Variants in BNC2 observed in about 807,000 individuals in gnomAD.
BNC2 encodes the protein zinc finger protein basonuclin-2.
BNC2 carries 20 observed loss-of-function variants against 76.3 expected under a neutral mutation model. The ratio of observed to expected loss-of-function variants is 0.26; its 90% CI spans 0.18 to 0.38. BNC2 has a LOEUF of 0.38. Ranked by LOEUF, BNC2 falls within the 10% of genes least tolerant of loss-of-function variation. BNC2 has a pLI of 1.00. For synonymous variants in BNC2, 582 were observed against 514.8 expected (o/e 1.13, Z -1.77); for missense variants, 1,382 against 1,399.8 (o/e 0.99, Z 0.20).
chr9:16,452,869 T>C (rs1821372039), intron 5 of BNC2, among the ~76,000 whole-genome samples: 1 of 152,192 alleles, frequency 6.6e-6, no homozygotes, highest in Non-Finnish European at 1.5e-5. Flanking sequence ...CAATCTATTT[T>C]ATAAGGAAAA....
intron 3 of BNC2, among the ~76,000 whole-genome samples, chr9:16,694,742 A>T (rs547996365): frequency 1.3e-5 from 2 of 152,356 alleles, no homozygotes; most frequent in South Asian, 4.1e-4. Flanking sequence ...CCATACAGGA[A>T]AAATTTTCCC....
At chr9:16,541,233 G>C (rs1487133861) in intron 5 of BNC2, among the ~76,000 whole-genome samples, 1 of 152,154 alleles carries the variant, frequency 6.6e-6, no homozygotes, top group African/African-American at 2.4e-5. Flanking sequence ...AATGGACAGA[G>C]GCACTCATAT....
chr9:16,737,417 A>T (rs1469191995), intron 2 of BNC2, among the ~76,000 whole-genome samples: 3 of 150,988 alleles, frequency 2.0e-5, no homozygotes, highest in Non-Finnish European at 4.4e-5. Context: ...CGCCCGGCTA[A>T]TTTTTTGTAT....
chr9:16,725,725 CA>C (rs901970090), intron 3 of BNC2, among the ~76,000 whole-genome samples: 16 of 86,482 alleles, frequency 1.9e-4, no homozygotes, highest in African/African-American at 1.6e-3. Context: ...TCCACACAGT[CA>C]GACAGCTGGA....
intron 3 of BNC2, among the ~76,000 whole-genome samples, chr9:16,689,837 T>A (rs1464672812): frequency 6.6e-6 from 1 of 152,054 alleles, no homozygotes; most frequent in Non-Finnish European, 1.5e-5. Flanking sequence ...CACAAAGAGT[T>A]CAGGAAGACC....
intron 5 of BNC2, among the ~76,000 whole-genome samples, chr9:16,506,513 C>CTTTTTTTTTTTTTTTTTTTTTTTTT (rs568955982): frequency 2.3e-5 from 1 of 43,314 alleles, no homozygotes. Flanking sequence ...TCTCTCTCCT[C>CTTTTTTTTTTTTTTTTTTTTTTTTT]TTTTTTTTTT....
rs1463526651 is a variant in BNC2, at chr9:16,412,897, G to T, written c.*6092C>A. On this transcript the variant is annotated 3_prime_UTR_variant, in exon 7 of 7. Transcript: ENST00000380672. ...CTTTTATATTTGATGGCCAAGTGCT[G>T]AACTGGAAAGCACACTATTAGTTTG... is the stretch of plus-strand genomic sequence containing the variant. 2 of 152,634 alleles carry T rather than the reference G, an allele frequency of 1.3e-5. No individual in the cohort carries two copies. Among genetic ancestry groups the T allele is most frequent in the Non-Finnish European group, 2.9e-5 (2 of 68,046 alleles). 9.5% of individuals were successfully genotyped at this position (152,634 alleles called of 1,614,324 possible).
intron 3 of BNC2, among the ~76,000 whole-genome samples, chr9:16,587,385 C>T (rs1416255004): frequency 1.3e-5 from 2 of 151,942 alleles, no homozygotes; most frequent in African/African-American, 4.8e-5. Flanking sequence ...AGCTAAGAAT[C>T]CTGAGCTACG....
At chr9:16,441,451 T>C (rs1170960345) in intron 5 of BNC2, among the ~76,000 whole-genome samples, 1 of 152,246 alleles carries the variant, frequency 6.6e-6, no homozygotes, top group Non-Finnish European at 1.5e-5. Context: ...TTTTACTGTA[T>C]CTTTGACTAA....
intron 1 of BNC2, among the ~76,000 whole-genome samples, chr9:16,870,115 G>A (rs1256375365): frequency 2.0e-5 from 3 of 152,166 alleles, no homozygotes; most frequent in Non-Finnish European, 4.4e-5. Flanking sequence ...CAAGGGGAGA[G>A]GAAGAGTCAA....
At chr9:16,839,769 G>C (rs1304073514) in intron 1 of BNC2, among the ~76,000 whole-genome samples, 1 of 152,192 alleles carries the variant, frequency 6.6e-6, no homozygotes, top group Admixed American at 6.5e-5. Context: ...TTACAGCCAA[G>C]AAAAACGTAA....
intron 4 of BNC2, among the ~76,000 whole-genome samples, chr9:16,564,921 G>A (rs577065849): frequency 2.6e-5 from 4 of 151,938 alleles, no homozygotes; most frequent in South Asian, 2.1e-4. Flanking sequence ...TATCTAGCAC[G>A]AACATTCAAA....
intron 6 of BNC2, among the ~76,000 whole-genome samples, chr9:16,422,310 T>C (rs1186009043): frequency 2.6e-5 from 4 of 152,222 alleles, no homozygotes; most frequent in African/African-American, 9.6e-5. Flanking sequence ...AGCAGTACTG[T>C]TGGCCTCTGC....
rs2130859579 is a variant in BNC2, at chr9:16,436,841, A to G, written c.1353T>C (p.Tyr451=). The change falls in exon 6 of 7, where the codon TAT becomes TAC. Residue 451 remains tyrosine (Y), a synonymous_variant. Coordinates refer to ENST00000380672, the MANE Select transcript of BNC2 (RefSeq NM_017637.6). ...AATGAATTTTGAGAGTACCTTTGTCATAGAATGTCTTCCCACATGCATTAC... is the reference window on the plus strand; with the variant it reads ...AATGAATTTTGAGAGTACCTTTGTCGTAGAATGTCTTCCCACATGCATTAC... ...VFCNACGKTF[Y]DKGTLKIHYN... 3.1e-6 allele frequency: 5 copies of G among 1,614,118 alleles called. No homozygotes were observed. In the East Asian group the frequency reaches 8.9e-5, roughly 29 times the overall value.
intron 1 of BNC2, among the ~76,000 whole-genome samples, chr9:16,815,896 T>C (rs989965113): frequency 6.6e-6 from 1 of 152,134 alleles, no homozygotes; most frequent in Admixed American, 6.5e-5. Context: ...AATTTGGATT[T>C]CTAGCACAGC....
chr9:16,707,076 C>T (rs988231156), intron 3 of BNC2, among the ~76,000 whole-genome samples: 35 of 152,092 alleles, frequency 2.3e-4, no homozygotes, highest in African/African-American at 7.5e-4. Context: ...ATGGTGGGCG[C>T]CTGTAGTCCC....
rs572500135 is a variant in BNC2, at chr9:16,755,116, C to G, written c.4-16631G>C. On this transcript the variant is annotated intron_variant, in intron 1 of 6. Transcript: ENST00000380672. ...AATACACCAGAAAAAGGATACCTGA[C>G]TCTGTAAAAAGGTATAAACATCTAG... Among the ~76,000 whole-genome samples the G allele has an allele frequency of 2.0e-5, 3 of 152,298 alleles. No homozygotes were observed. In the East Asian group the frequency reaches 5.8e-4, roughly 29 times the overall value.
intron 3 of BNC2, among the ~76,000 whole-genome samples, chr9:16,675,749 A>G (rs914820413): frequency 3.3e-5 from 5 of 152,148 alleles, no homozygotes; most frequent in Non-Finnish European, 7.3e-5. Flanking sequence ...ATCTGTAAAG[A>G]TATTAGGTTA....
At chr9:16,794,473 G>A (rs1439727963) in intron 1 of BNC2, among the ~76,000 whole-genome samples, 1 of 152,150 alleles carries the variant, frequency 6.6e-6, no homozygotes, top group Non-Finnish European at 1.5e-5. Context: ...CATTAACAGG[G>A]TTGGCATTAA....
Sources: allele counts gnomAD v4.1 joint callset (sites outside exome capture counted in the v4.1 genomes callset), GRCh38; gene constraint gnomAD v4.1.1; transcripts MANE v1.5; gene names NCBI Gene and HGNC (gene_info 2026-07-23, HGNC 2026-07-21).